Variants in VWA3B observed in about 807,000 individuals in gnomAD.
The protein encoded by VWA3B is von Willebrand factor A domain-containing protein 3B.
VWA3B carries 138 observed loss-of-function variants against 158.3 expected under a neutral mutation model. The observed-to-expected ratio is 0.87, with a 90% CI of 0.76 to 1.00. The LOEUF (loss-of-function observed/expected upper bound fraction) is 1.00. Among genes scored for constraint, VWA3B ranks in the 50% least tolerant of loss-of-function variants. The pLI, the probability that VWA3B is intolerant of heterozygous loss-of-function variation, is 0.00. For missense variants in VWA3B, 1,555 were observed against 1,565.1 expected, an observed-to-expected ratio of 0.99 and a Z score of 0.11; for synonymous variants, 596 against 587.3, an observed-to-expected ratio of 1.01 and a Z score of -0.21.
intron 23 of VWA3B, among the ~76,000 whole-genome samples, chr2:98,296,646 C>CTGCA (rs1283585443): frequency 2.6e-5 from 4 of 152,204 alleles, no homozygotes; most frequent in Non-Finnish European, 4.4e-5. Context: ...TGGGGAGCTG[C>CTGCA]TGCAGCACAT....
chr2:98,228,391 C>A (rs1365639695), intron 15 of VWA3B, 59 bp downstream of exon 15: 1 of 1,528,948 alleles, frequency 6.5e-7, no homozygotes, highest in African/African-American at 1.4e-5. Context: ...CTGGGCTTGC[C>A]CCCTGGGCCC....
At chr2:98,244,849 T>A in intron 19 of VWA3B, among the ~76,000 whole-genome samples, 1 of 152,300 alleles carries the variant, frequency 6.6e-6, no homozygotes, top group African/African-American at 2.4e-5. Flanking sequence ...TAATCACTAT[T>A]GAGTACAGTG....
intron 20 of VWA3B, among the ~76,000 whole-genome samples, chr2:98,255,861 CA>C (rs1162763892): frequency 1.3e-5 from 2 of 152,160 alleles, no homozygotes; most frequent in African/African-American, 4.8e-5. Flanking sequence ...ACCAGTTTGT[CA>C]ACTGCCTTTA....
chr2:98,179,666 CTT>C (rs1680314144), intron 8 of VWA3B, among the ~76,000 whole-genome samples: 3 of 151,992 alleles, frequency 2.0e-5, no homozygotes, highest in Admixed American at 6.5e-5. Flanking sequence ...TCTTTTTTCT[CTT>C]TCTTTTCTTT....
intron 23 of VWA3B, 52 bp downstream of exon 23, chr2:98,290,674 T>C (rs776087377): frequency 2.7e-5 from 35 of 1,274,626 alleles, no homozygotes; most frequent in Non-Finnish European, 3.7e-5. Context: ...AATTTGATAC[T>C]AGGGACAAGA....
At chr2:98,119,936 G>T (rs1023442711) in intron 4 of VWA3B, among the ~76,000 whole-genome samples, 173 bp downstream of exon 4, 1 of 152,196 alleles carries the variant, frequency 6.6e-6, no homozygotes, top group African/African-American at 2.4e-5. Flanking sequence ...ATAAATCTTA[G>T]GAACTTTTAT....
chr2:98,161,863 C>T (rs1404751963), intron 7 of VWA3B, among the ~76,000 whole-genome samples: 4 of 152,074 alleles, frequency 2.6e-5, no homozygotes, highest in African/African-American at 7.2e-5. Flanking sequence ...CGGGCCACCA[C>T]GCTCAGCTAA....
At chr2:98,131,628 A>G (rs1423760386) in intron 6 of VWA3B, among the ~76,000 whole-genome samples, 2 of 151,980 alleles carry the variant, frequency 1.3e-5, no homozygotes, top group African/African-American at 4.8e-5. Context: ...TTTCTTTTTG[A>G]TAACAGCCCT....
chr2:98,270,581 G>C (rs1300505731), intron 21 of VWA3B, 101 bp from the exon 22 acceptor site: 6 of 1,233,930 alleles, frequency 4.9e-6, no homozygotes, highest in Non-Finnish European at 5.6e-6. Flanking sequence ...TCTCAGGGGA[G>C]AATTTCTTAG....
chr2:98,117,226 G>C (rs1674601846), intron 3 of VWA3B, among the ~76,000 whole-genome samples: 1 of 152,222 alleles, frequency 6.6e-6, no homozygotes, highest in African/African-American at 2.4e-5. Context: ...TTTCTCACCT[G>C]TGAAGGCTGA....
chr2:98,278,402 G>T (rs1447263099), intron 22 of VWA3B, among the ~76,000 whole-genome samples: 2 of 152,184 alleles, frequency 1.3e-5, no homozygotes, highest in Admixed American at 1.3e-4. Context: ...TCCACAGATG[G>T]CTAAGTGTTT....
rs1251597430 is a variant in VWA3B, at chr2:98,185,174, C to G, written c.1312-2801C>G. On this transcript the variant is annotated intron_variant, in intron 9 of 27. Coordinates refer to ENST00000477737, the MANE Select transcript of VWA3B (RefSeq NM_144992.5). ...AGTTCCAAACTGTCTGACCAGCCCC[C>G]CTGTCTGACCAAGTCATCTGTAGGT... 3.9e-5 allele frequency among the ~76,000 whole-genome samples: 6 copies of G among 152,334 alleles called. No individual in the cohort carries two copies. The East Asian group carries it at 9.6e-4, about 24-fold the overall frequency.
At chr2:98,282,209 A>G (rs17493788) in intron 22 of VWA3B, among the ~76,000 whole-genome samples, 28,760 of 152,108 alleles carry the variant, frequency 0.19, 2,898 homozygotes, top group Admixed American at 0.29. Context: ...TCATCCTGGG[A>G]AGCCTATGTT....
At chr2:98,314,473 G>C (rs1691046049), downstream of VWA3B, among the ~76,000 whole-genome samples, 1 of 152,210 alleles carries the variant, frequency 6.6e-6, no homozygotes, top group East Asian at 1.9e-4. Flanking sequence ...GTATTCAGGA[G>C]TTTGTCTCAA....
chr2:98,196,478 C>CCCGG (rs1482012460), intron 12 of VWA3B, among the ~76,000 whole-genome samples: 1 of 152,160 alleles, frequency 6.6e-6, no homozygotes, highest in Non-Finnish European at 1.5e-5. Context: ...CAGTAGTCAA[C>CCCGG]CCGGTAGCAC....
intron 8 of VWA3B, among the ~76,000 whole-genome samples, chr2:98,164,574 C>T (rs1337585350): frequency 4.6e-5 from 7 of 152,232 alleles, no homozygotes; most frequent in Admixed American, 1.3e-4. Flanking sequence ...GCCATGGTCA[C>T]ATAGCTAGCA....
rs769296273 is a variant in VWA3B, at chr2:98,194,310, C to T, written c.1606-51C>T. 28 of 1,589,896 alleles carry T rather than the reference C, an allele frequency of 1.8e-5. No individual in the cohort carries two copies. The South Asian group carries it at 3.2e-4, about 18-fold the overall frequency. ...TATCAAACTGTGGCCTACCCAAACC[C>T]TTTCTAACATCTGAGTGGTTTTATG... is the stretch of plus-strand genomic sequence containing the variant. On this transcript the variant is annotated intron_variant, in intron 11 of 27. Transcript: ENST00000477737.
In VWA3B at chr2:98,127,643, C is replaced by A. The variant is rs563439153; in HGVS notation, c.703-596C>A. On this transcript the variant is annotated intron_variant, in intron 5 of 27. Coordinates refer to ENST00000477737, the MANE Select transcript of VWA3B (RefSeq NM_144992.5). ...CACAGGGGTTGCTTATTCTTCCATT[C>A]TTCTCATGGCCTGGTTTGGCGGCAA... Among the ~76,000 whole-genome samples the A allele has an allele frequency of 1.2e-3, 164 of 136,066 alleles. 2 individuals carry two copies. The highest frequency in any genetic ancestry group is 4.3e-3 in the African/African-American group (156 of 36,358). The allele number at this position is 136,066 out of a possible 152,430, so 89.3% of individuals were successfully genotyped here. A position where few individuals can be genotyped will look rare whatever the true frequency, so the allele number is the denominator to read the frequency against.
chr2:98,173,997 A>G (rs1236411578), intron 8 of VWA3B, among the ~76,000 whole-genome samples: 2 of 152,104 alleles, frequency 1.3e-5, no homozygotes, highest in Non-Finnish European at 2.9e-5. Flanking sequence ...GTGGAAAAGC[A>G]CAACAAATCT....
Sources: allele counts gnomAD v4.1 joint callset (sites outside exome capture counted in the v4.1 genomes callset), GRCh38; gene constraint gnomAD v4.1.1; transcripts MANE v1.5; gene names NCBI Gene and HGNC (gene_info 2026-07-23, HGNC 2026-07-21).